Variants in CPA5 observed in about 807,000 individuals in gnomAD.
CPA5 encodes carboxypeptidase A5.
Under a neutral mutation model 52.2 loss-of-function variants are expected in CPA5, and 38 were observed. That is an observed-to-expected ratio of 0.73 (90% CI 0.56 to 0.95). The LOEUF is 0.95. Among genes scored for constraint, CPA5 ranks in the 40% least tolerant of loss-of-function variants. CPA5 has a pLI of 0.00. For synonymous variants in CPA5, 198 were observed against 213.7 expected, an observed-to-expected ratio of 0.93 and a Z score of 0.64; for missense variants, 519 against 566.7, an observed-to-expected ratio of 0.92 and a Z score of 0.86.
At chr7:130,356,831 G>T (rs781853394) in intron 5 of CPA5, among the ~76,000 whole-genome samples, 17 of 152,186 alleles carry the variant, frequency 1.1e-4, no homozygotes, top group Admixed American at 2.0e-4. Context: ...GCTTCCACCA[G>T]ATCCTTGGAG....
Position 130,363,438 on chromosome 7 carries a change from A to G in CPA5, c.767A>G (p.Asn256Ser). The stretch of plus-strand genomic sequence containing the variant: ...TCCCAGAACCGCTTATGGCGGAAGA[A>G]CAAGTCCATCAGACCTGGAATCTTC... ...THSMNRLWRKNKSIRPGIFCI... is the reference protein window; with the variant it reads ...THSMNRLWRKSKSIRPGIFCI... Residue 256 changes from asparagine to serine, a missense_variant, in exon 10 of 13, where the codon AAC becomes AGC. By Grantham distance (46) the Asn-to-Ser change is conservative (BLOSUM62 1). Coordinates refer to ENST00000474905, the MANE Select transcript of CPA5 (RefSeq NM_080385.5). 1 of 1,575,272 alleles carries G rather than the reference A, an allele frequency of 6.3e-7. No homozygotes were observed.
chr7:130,361,154 G>T lies in CPA5; in HGVS notation c.444G>T (p.Trp148Cys). ...TTCTTTCCTTTCAGATATATAGCTGGATTGACAACTTTGTAATGGAGCATT... is the reference window on the plus strand; with the variant it reads ...TTCTTTCCTTTCAGATATATAGCTGTATTGACAACTTTGTAATGGAGCATT... ...SYHTLEEIYS[W>C]IDNFVMEHSD... Residue 148 changes from tryptophan to cysteine, a missense_variant, in exon 7 of 13, where the codon TGG (tryptophan) becomes TGT (cysteine). Coordinates refer to ENST00000474905, the MANE Select transcript of CPA5 (RefSeq NM_080385.5). 3 of 1,612,332 alleles carry T rather than the reference G, an allele frequency of 1.9e-6. No individual in the cohort carries two copies. Among genetic ancestry groups the T allele is most frequent in the Non-Finnish European group, 2.5e-6 (3 of 1,178,394 alleles).
chr7:130,358,901 C>T (rs1376991344), intron 5 of CPA5, among the ~76,000 whole-genome samples: 3 of 152,242 alleles, frequency 2.0e-5, no homozygotes, highest in South Asian at 2.1e-4. Context: ...CTTGACTCCA[C>T]GTTGATACCC....
chr7:130,351,315 T>C (rs1554403904), intron 5 of CPA5, among the ~76,000 whole-genome samples: 1 of 152,240 alleles, frequency 6.6e-6, no homozygotes, highest in Non-Finnish European at 1.5e-5. Context: ...GAAGTTTCCA[T>C]TTCCCTGGTT....
chr7:130,348,106 C>A (rs574781019), intron 4 of CPA5, among the ~76,000 whole-genome samples: 19 of 152,164 alleles, frequency 1.2e-4, no homozygotes, highest in Non-Finnish European at 2.4e-4. Flanking sequence ...CATGACCCAT[C>A]AGGGCACCAA....
chr7:130,372,471 C>G (rs752813682), downstream of CPA5, among the ~76,000 whole-genome samples: 125 of 152,310 alleles, frequency 8.2e-4, no homozygotes, highest in Non-Finnish European at 1.6e-3. Flanking sequence ...ACAGTGACTC[C>G]TGGGTATACT....
rs528659857 is a variant in CPA5, at chr7:130,361,301, T to C, written c.534+57T>C. 3.0e-4 allele frequency: 365 copies of C among 1,234,990 alleles called. 2 individuals are homozygous for C. Among genetic ancestry groups the C allele is most frequent in the Non-Finnish European group, 3.8e-4 (319 of 835,926 alleles). The allele number at this position is 1,234,990 out of a possible 1,614,324, so 76.5% of individuals were successfully genotyped here. On this transcript the variant is annotated intron_variant, in intron 7 of 12. Transcript: ENST00000474905. The stretch of plus-strand genomic sequence containing the variant: ...TACCTTGAGGGCCTCTGGCATAAGA[T>C]TGATCTCATATGGGGTAGTGGCTGG...
In CPA5 at chr7:130,362,555, T is replaced by C. The variant is rs1554407053; in HGVS notation, c.636+16T>C. Reference sequence around the variant, plus strand: ...TGCCAATAAGGTCAGCATGGACCTGTAGCCAAGGTGCACCCACGATGGGGG... The same window carrying C: ...TGCCAATAAGGTCAGCATGGACCTGCAGCCAAGGTGCACCCACGATGGGGG... On this transcript the variant is annotated intron_variant, in intron 8 of 12. Coordinates refer to ENST00000474905, the MANE Select transcript of CPA5 (RefSeq NM_080385.5). 1.3e-6 allele frequency: 2 copies of C among 1,588,094 alleles called. No individual in the cohort carries two copies. The highest frequency in any genetic ancestry group is 1.7e-6 in the Non-Finnish European group (2 of 1,157,334).
intron 5 of CPA5, among the ~76,000 whole-genome samples, chr7:130,356,417 GC>G (rs1795480660): frequency 6.6e-6 from 1 of 152,202 alleles, no homozygotes; most frequent in African/African-American, 2.4e-5. Context: ...TTCCTGAGAA[GC>G]CTGACAGGGC....
intron 5 of CPA5, among the ~76,000 whole-genome samples, chr7:130,355,038 GA>G (rs1562952578): frequency 7.0e-6 from 1 of 143,108 alleles, no homozygotes; most frequent in East Asian, 2.1e-4. Flanking sequence ...CCCTAAGAGA[GA>G]TGGAGGCTGC....
At chr7:130,371,281 C>G (rs1264480894), downstream of CPA5, among the ~76,000 whole-genome samples, 1 of 152,262 alleles carries the variant, frequency 6.6e-6, no homozygotes, top group Admixed American at 6.5e-5. Context: ...ATGTCGCCTC[C>G]TCACAGCTCT....
chr7:130,359,508 G>A, intron 5 of CPA5, 81 bp from the exon 6 acceptor site: 1 of 942,170 alleles, frequency 1.1e-6, no homozygotes, highest in Non-Finnish European at 1.7e-6. Context: ...TTTATGCACA[G>A]CCAGTGGAGG....
intron 3 of CPA5, among the ~76,000 whole-genome samples, chr7:130,347,540 G>T (rs1794843571): frequency 6.6e-6 from 1 of 152,164 alleles, no homozygotes; most frequent in Non-Finnish European, 1.5e-5. Flanking sequence ...TCTGTCCTTG[G>T]GGCTGGAGAG....
intron 3 of CPA5, among the ~76,000 whole-genome samples, chr7:130,347,427 T>G (rs1386375138): frequency 6.6e-6 from 1 of 152,186 alleles, no homozygotes; most frequent in African/African-American, 2.4e-5. Flanking sequence ...TCCTTTCATT[T>G]TACACATCGC....
At chr7:130,355,067 G>C (rs539117424) in intron 5 of CPA5, among the ~76,000 whole-genome samples, 1 of 10,344 alleles carries the variant, frequency 9.7e-5, no homozygotes, top group Admixed American at 2.7e-3. Flanking sequence ...ATGGGGGTAG[G>C]GACAGAAGAA....
chr7:130,345,149 A>G lies in CPA5; in HGVS notation c.-208A>G, dbSNP rs1361702405. 1 of 152,222 alleles carries G rather than the reference A, an allele frequency of 6.6e-6. No individual in the cohort carries two copies. The highest frequency in any genetic ancestry group is 1.5e-5 in the Non-Finnish European group (1 of 68,046). The allele number at this position is 152,222 out of a possible 1,614,324, so 9.4% of individuals were successfully genotyped here. ...GTTTGAGAGTCCCTGAAGCCAGGAT[A>G]CTAGAAGAGTCTGGCTTGTCTGAAC... is the stretch of plus-strand genomic sequence containing the variant. On this transcript the variant is annotated 5_prime_UTR_variant, in exon 1 of 13. It adds an upstream start codon to the 5' untranslated region. Coordinates refer to ENST00000474905, the MANE Select transcript of CPA5 (RefSeq NM_080385.5).
chr7:130,349,924 T>A, intron 4 of CPA5, 51 bp from the exon 5 acceptor site: 5 of 1,577,100 alleles, frequency 3.2e-6, no homozygotes, highest in Non-Finnish European at 4.3e-6. Context: ...TACAGGATTG[T>A]GTGGAAGGAC....
At chr7:130,367,671 AG>A (rs1796173298) in intron 11 of CPA5, 100 bp downstream of exon 11, 2 of 1,228,200 alleles carry the variant, frequency 1.6e-6, no homozygotes, top group African/African-American at 3.0e-5. Context: ...CTCTGAATGC[AG>A]GGGTCTGGGC....
the CPA5 span, among the ~76,000 whole-genome samples, chr7:130,373,975 C>T: frequency 3.9e-5 from 6 of 152,112 alleles, no homozygotes; most frequent in Admixed American, 6.5e-5. Context: ...TGGATTTGTC[C>T]TTCCGGACGC....
Sources: gnomAD v4.1 joint callset for allele counts (sites outside exome capture counted in the v4.1 genomes callset) on GRCh38, gnomAD v4.1.1 for gene constraint, MANE v1.5 for transcripts, NCBI Gene and HGNC (gene_info 2026-07-23, HGNC 2026-07-21) for gene names.